ANKRD30B: variants seen among roughly 807,000 people sequenced by gnomAD.
ANKRD30B encodes the protein ankyrin repeat domain 30B.
ANKRD30B carries 144 observed loss-of-function variants against 202.2 expected under a neutral mutation model. The observed-to-expected ratio is 0.71, with a 90% CI of 0.62 to 0.82. The LOEUF (loss-of-function observed/expected upper bound fraction) is 0.82. Among genes scored for constraint, ANKRD30B ranks in the 40% least tolerant of loss-of-function variants. The probability of loss-of-function intolerance (pLI) is 0.00; values close to 1 mark genes in which losing one functional copy is unlikely to be tolerated. For synonymous variants in ANKRD30B, 508 were observed against 561.3 expected (o/e 0.91, Z 1.34); for missense variants, 1,487 against 1,669.1 (o/e 0.89, Z 1.90).
chr18:14,937,856 C>T, the ANKRD30B span, among the ~76,000 whole-genome samples: 1 of 152,126 alleles, frequency 6.6e-6, no homozygotes, highest in African/African-American at 2.4e-5. Context: ...TAACAAAACC[C>T]CATAGAAAAG....
At chr18:14,901,461 G>A in the ANKRD30B span, among the ~76,000 whole-genome samples, 2 of 151,924 alleles carry the variant, frequency 1.3e-5, no homozygotes, top group African/African-American at 2.4e-5. Context: ...ACATGAGACT[G>A]AACTGATGAA....
At chr18:14,823,465 CTTG>C (rs1258793577) in intron 32 of ANKRD30B, among the ~76,000 whole-genome samples, 1 of 151,548 alleles carries the variant, frequency 6.6e-6, no homozygotes, top group Non-Finnish European at 1.5e-5. Context: ...AAATCGGTTT[CTTG>C]TTTTTCTGAT....
intron 32 of ANKRD30B, among the ~76,000 whole-genome samples, chr18:14,824,110 C>CT (rs71176078): frequency 0.5 from 75,005 of 150,006 alleles, 18,829 homozygotes; most frequent in Non-Finnish European, 0.52. Context: ...TTGGAACTTC[C>CT]TTTTTTTTTA....
the ANKRD30B span, among the ~76,000 whole-genome samples, chr18:14,926,368 G>T: frequency 6.6e-6 from 1 of 152,188 alleles, no homozygotes; most frequent in Non-Finnish European, 1.5e-5. Flanking sequence ...CTCAGAACTG[G>T]CTCCAGCCTG....
chr18:14,934,950 C>A, the ANKRD30B span, among the ~76,000 whole-genome samples: 22 of 136,814 alleles, frequency 1.6e-4, no homozygotes, highest in South Asian at 4.7e-4. Flanking sequence ...ACACACACAC[C>A]CCATCGTGTC....
In ANKRD30B at chr18:14,797,779, T is replaced by G; in HGVS notation, c.1957-3T>G. ...TAATTTTTGTGTTTCCGAACCCATT[T>G]AGCCTACCTGTGGAAGGAAAGTTTC... On this transcript the variant is annotated splice_polypyrimidine_tract_variant and splice_region_variant and intron_variant, in intron 19 of 43. Transcript: ENST00000690538. The G allele has an allele frequency of 6.4e-7, 1 of 1,568,024 alleles. No individual in the cohort carries two copies. Among genetic ancestry groups the G allele is most frequent in the Non-Finnish European group, 8.7e-7 (1 of 1,155,386 alleles).
At chr18:14,939,140 G>A in the ANKRD30B span, among the ~76,000 whole-genome samples, 16 of 152,236 alleles carry the variant, frequency 1.1e-4, no homozygotes, top group Non-Finnish European at 1.9e-4. Context: ...GGTTGGTTCT[G>A]TGCTTTGCCC....
At chr18:14,751,025 G>C (rs2143626137) in intron 1 of ANKRD30B, among the ~76,000 whole-genome samples, 1 of 152,086 alleles carries the variant, frequency 6.6e-6, no homozygotes, top group South Asian at 2.1e-4. Flanking sequence ...ATTTTGCACA[G>C]ATGAAAATAA....
chr18:14,937,364 T>C, the ANKRD30B span, among the ~76,000 whole-genome samples: 3 of 152,090 alleles, frequency 2.0e-5, no homozygotes, highest in Middle Eastern at 3.4e-3. Context: ...GGAGTTAGAG[T>C]AAACGGGGGT....
Position 14,757,799 on chromosome 18 carries a change from C to G in ANKRD30B, c.618-16C>G, listed in dbSNP as rs1567980964. The stretch of plus-strand genomic sequence containing the variant: ...ATTGATTCTGCTCATAATAAGTTAT[C>G]TCTTTGTTATTTTAGCACAGCCCTC... On this transcript the variant is annotated splice_polypyrimidine_tract_variant and intron_variant, in intron 4 of 43. Transcript: ENST00000690538. 1 of 1,608,774 alleles carries G rather than the reference C, an allele frequency of 6.2e-7. No individual in the cohort carries two copies. The highest frequency in any genetic ancestry group is 1.1e-5 in the South Asian group (1 of 89,980).
chr18:14,824,272 C>T (rs9748682), intron 32 of ANKRD30B, among the ~76,000 whole-genome samples: 2,192 of 152,176 alleles, frequency 0.014, 59 homozygotes, highest in African/African-American at 0.051. Context: ...TATCAGAGAG[C>T]TTTTATTGAA....
the ANKRD30B span, among the ~76,000 whole-genome samples, chr18:14,936,302 T>C: frequency 6.6e-6 from 1 of 152,210 alleles, no homozygotes; most frequent in Non-Finnish European, 1.5e-5. Flanking sequence ...AAGTATTTAC[T>C]GTGTGAGATT....
chr18:14,768,110 A>G (rs571505592), intron 7 of ANKRD30B, among the ~76,000 whole-genome samples: 2 of 151,678 alleles, frequency 1.3e-5, no homozygotes, highest in Admixed American at 6.6e-5. Context: ...CCACCCCTCA[A>G]CCTCCTAGGA....
chr18:14,901,106 G>T, the ANKRD30B span, among the ~76,000 whole-genome samples: 2 of 152,054 alleles, frequency 1.3e-5, no homozygotes, highest in Admixed American at 6.6e-5. Context: ...AGAGTGGAGG[G>T]GATGTTGCTT....
the ANKRD30B span, among the ~76,000 whole-genome samples, chr18:14,860,937 G>A: frequency 9.2e-5 from 14 of 151,886 alleles, no homozygotes; most frequent in African/African-American, 3.1e-4. Context: ...CTGACCTCAG[G>A]TGATCTGCCT....
chr18:14,938,391 T>C, the ANKRD30B span, among the ~76,000 whole-genome samples: 661 of 152,348 alleles, frequency 4.3e-3, 3 homozygotes, highest in Admixed American at 0.01. Context: ...CGCCCTCTGC[T>C]CTTTTACAGG....
At chr18:14,797,736 G>A (rs764370138) in intron 19 of ANKRD30B, 46 bp from the exon 20 acceptor site, 1 of 1,604,696 alleles carries the variant, frequency 6.2e-7, no homozygotes, top group East Asian at 2.2e-5. Flanking sequence ...ACATATTTTT[G>A]AAGTGTACAT....
the ANKRD30B span, among the ~76,000 whole-genome samples, chr18:14,921,760 G>T: frequency 1.3e-5 from 2 of 152,124 alleles, no homozygotes; most frequent in African/African-American, 4.8e-5. Flanking sequence ...GATGGGCAGG[G>T]TGTCTAGAAT....
In ANKRD30B at chr18:14,844,785, G is replaced by A. The variant is rs576619220; in HGVS notation, c.3181+1689G>A. 4.7e-3 allele frequency among the ~76,000 whole-genome samples: 704 copies of A among 150,648 alleles called. 3 individuals carry two copies. Among genetic ancestry groups the A allele is most frequent in the Non-Finnish European group, 7.1e-3 (474 of 66,882 alleles). Reference sequence around the variant, plus strand: ...TTTAATGATCGCCATTCTAACTGGTGTGAGATGGTATCTCATTGTGGTTTT... The same window carrying A: ...TTTAATGATCGCCATTCTAACTGGTATGAGATGGTATCTCATTGTGGTTTT... On this transcript the variant is annotated intron_variant, in intron 39 of 43. Coordinates refer to ENST00000690538, the MANE Select transcript of ANKRD30B (RefSeq NM_001367607.2).
Sources: allele counts gnomAD v4.1 joint callset (sites outside exome capture counted in the v4.1 genomes callset), GRCh38; gene constraint gnomAD v4.1.1; transcripts MANE v1.5; gene names NCBI Gene and HGNC (gene_info 2026-07-23, HGNC 2026-07-21).